ZNF219: variants seen among roughly 807,000 people sequenced by gnomAD.
ZNF219 encodes zinc finger protein 219.
ZNF219 carries 17 observed loss-of-function variants against 54.4 expected under a neutral mutation model. That is an observed-to-expected ratio of 0.31 (90% CI 0.21 to 0.47). The LOEUF (loss-of-function observed/expected upper bound fraction) is 0.47, where lower values mean the gene tolerates loss of function less well. Among genes scored for constraint, ZNF219 ranks in the 20% least tolerant of loss-of-function variants. The pLI, the probability that ZNF219 is intolerant of heterozygous loss-of-function variation, is 1.00. For synonymous variants in ZNF219, 518 were observed against 476.4 expected (o/e 1.09, Z -1.14); for missense variants, 1,014 against 1,062.3 (o/e 0.95, Z 0.63).
Position 21,091,402 on chromosome 14 carries a change from C to A in ZNF219, c.1564+9G>T. The A allele has an allele frequency of 6.3e-7, 1 of 1,587,662 alleles. No individual in the cohort carries two copies. The highest frequency in any genetic ancestry group is 8.6e-7 in the Non-Finnish European group (1 of 1,158,724). On this transcript the variant is annotated intron_variant, in intron 4 of 4. Transcript: ENST00000360947. Reference sequence around the variant, plus strand: ...GTCCCCTCTCCACGCCGGAGGCTGCCTCCCTCACCTGTGTGCACTCGCAGA... The same window carrying A: ...GTCCCCTCTCCACGCCGGAGGCTGCATCCCTCACCTGTGTGCACTCGCAGA...
intron 1 of ZNF219, 77 bp downstream of exon 1, chr14:21,098,235 G>A (rs1301557762): frequency 6.8e-6 from 1 of 146,144 alleles, no homozygotes; most frequent in Admixed American, 6.8e-5. Context: ...CCCCCCCTCC[G>A]GGAGGGGGGA....
upstream of ZNF219, chr14:21,102,694 T>C: frequency 6.4e-7 from 1 of 1,551,582 alleles, no homozygotes; most frequent in South Asian, 1.2e-5. Context: ...GGAGTGCTGG[T>C]CTCAGTGCAC....
At chr14:21,094,090 CCAAACATCCTTCCAGGTTCCA>C (rs1318456244) in intron 1 of ZNF219, among the ~76,000 whole-genome samples, 5 of 152,194 alleles carry the variant, frequency 3.3e-5, no homozygotes, top group African/African-American at 1.2e-4. Context: ...GAGCAGCCAG[CCAAACATCCTTCCAGGTTCCA>C]CAGTGCTTCC....
chr14:21,091,355 C>G, intron 4 of ZNF219, 56 bp downstream of exon 4: 1 of 1,562,780 alleles, frequency 6.4e-7, no homozygotes, highest in Non-Finnish European at 8.7e-7. Flanking sequence ...TTCGGTAGCC[C>G]TCACCTTTCT....
At chr14:21,103,238 G>A, upstream of ZNF219, 1 of 1,551,558 alleles carries the variant, frequency 6.4e-7, no homozygotes, top group Non-Finnish European at 8.7e-7. Flanking sequence ...ACAGACACGT[G>A]CTGCTCTCCT....
chr14:21,092,272 CGGGCAGGCCCGGAGGCAG>C lies in ZNF219; in HGVS notation c.1007_1024del (p.Pro336_Ala341del). On this transcript the variant is annotated inframe_deletion, in exon 3 of 5. Coordinates refer to ENST00000360947, the MANE Select transcript of ZNF219 (RefSeq NM_016423.3). Reference sequence around the variant, plus strand: ...GCCGAGGTCAGGAGGCTGGGGGGCGCGGGCAGGCCCGGAGGCAGGCCCCGGGGCACGCAGTGGGCCCAG... The same window carrying C: ...GCCGAGGTCAGGAGGCTGGGGGGCGCGCCCCGGGGCACGCAGTGGGCCCAG... 1 of 1,483,468 alleles carries C rather than the reference CGGGCAGGCCCGGAGGCAG, an allele frequency of 6.7e-7. No homozygotes were observed. Among genetic ancestry groups the C allele is most frequent in the Non-Finnish European group, 8.9e-7 (1 of 1,119,626 alleles). 91.9% of individuals were successfully genotyped at this position (1,483,468 alleles called of 1,614,324 possible).
At chr14:21,096,906 A>G (rs1043638799) in intron 1 of ZNF219, among the ~76,000 whole-genome samples, 1 of 152,210 alleles carries the variant, frequency 6.6e-6, no homozygotes, top group Non-Finnish European at 1.5e-5. Flanking sequence ...AAGTGTAAGG[A>G]GCAAGGGTTC....
chr14:21,095,397 G>T (rs988029349), intron 1 of ZNF219, among the ~76,000 whole-genome samples: 11 of 152,184 alleles, frequency 7.2e-5, no homozygotes, highest in African/African-American at 2.7e-4. Flanking sequence ...GGACTGAAGG[G>T]TACAAGGCTA....
At chr14:21,097,807 A>AC (rs1034653167) in intron 1 of ZNF219, among the ~76,000 whole-genome samples, 13 of 151,396 alleles carry the variant, frequency 8.6e-5, no homozygotes, top group African/African-American at 2.7e-4. Context: ...AGAGGGAAGC[A>AC]CCCCCCATCC....
At chr14:21,098,053 C>T (rs1256070663) in intron 1 of ZNF219, among the ~76,000 whole-genome samples, 77 of 150,346 alleles carry the variant, frequency 5.1e-4, no homozygotes, top group African/African-American at 1.7e-3. Flanking sequence ...TCCCCCAGCT[C>T]TTCCACCTGG....
In ZNF219 at chr14:21,090,384, T is replaced by G. The variant is rs1888731616; in HGVS notation, c.*152A>C. 1.8e-6 allele frequency: 2 copies of G among 1,086,526 alleles called. No individual in the cohort carries two copies. The highest frequency in any genetic ancestry group is 5.2e-5 in the East Asian group (2 of 38,668). 67.3% of individuals were successfully genotyped at this position (1,086,526 alleles called of 1,614,324 possible). Reference sequence around the variant, plus strand: ...CTGGGTGGGTACCGCCAGCCCACCCTCCTACGCCCGCCGCGCCTTCCACCT... The same window carrying G: ...CTGGGTGGGTACCGCCAGCCCACCCGCCTACGCCCGCCGCGCCTTCCACCT... On this transcript the variant is annotated 3_prime_UTR_variant, in exon 5 of 5. Transcript: ENST00000360947. The surrounding 1 kb of genome is among the most constrained non-coding windows in gnomAD (Gnocchi z 4.4).
At chr14:21,098,900 CT>C (rs1355688713), upstream of ZNF219, 1 of 1,263,438 alleles carries the variant, frequency 7.9e-7, no homozygotes, top group Middle Eastern at 2.2e-4. Context: ...AAGCCTCTCC[CT>C]TACAATTTCT....
Position 21,093,307 on chromosome 14 carries a change from G to T in ZNF219, c.7-17C>A. On this transcript the variant is annotated splice_polypyrimidine_tract_variant and intron_variant, in intron 2 of 4. Transcript: ENST00000360947. ...ACGTGAGCCCTGTGGAGAAAGATCT[G>T]CGTAGAGCAAAGGGTGAAGGTAGAG... The T allele has an allele frequency of 6.4e-7, 1 of 1,557,698 alleles. No individual in the cohort carries two copies. Among genetic ancestry groups the T allele is most frequent in the Non-Finnish European group, 8.6e-7 (1 of 1,160,570 alleles).
chr14:21,091,968 G>A lies in ZNF219; in HGVS notation c.1329C>T (p.Gly443=), dbSNP rs1429806611. 1.3e-6 allele frequency: 2 copies of A among 1,578,386 alleles called. No individual in the cohort carries two copies. The highest frequency in any genetic ancestry group is 1.7e-6 in the Non-Finnish European group (2 of 1,162,672). The change falls in exon 3 of 5, where the codon GGC becomes GGT. Residue 443 remains glycine, a synonymous_variant. Coordinates refer to ENST00000360947, the MANE Select transcript of ZNF219 (RefSeq NM_016423.3). ...VEAEEETWAR[G]RSLGSLASLH... Reference sequence around the variant, plus strand: ...GGGAAGCCAGAGAGCCCAGCGACCTGCCCCGGGCCCAGGTTTCCTCCTCGG... The same window carrying A: ...GGGAAGCCAGAGAGCCCAGCGACCTACCCCGGGCCCAGGTTTCCTCCTCGG...
At chr14:21,100,575 A>C (rs1391681488), upstream of ZNF219, among the ~76,000 whole-genome samples, 1 of 152,146 alleles carries the variant, frequency 6.6e-6, no homozygotes, top group East Asian at 1.9e-4. Flanking sequence ...GTTGCAGGTT[A>C]TCATTGAATC....
chr14:21,102,833 C>A (rs1594613760), upstream of ZNF219: 2 of 1,531,356 alleles, frequency 1.3e-6, no homozygotes, highest in Non-Finnish European at 1.8e-6. Flanking sequence ...AATTTTTCCA[C>A]TGCCTATCCT....
Position 21,091,402 on chromosome 14 carries a change from C to T in ZNF219, c.1564+9G>A, listed in dbSNP as rs201849294. ...GTCCCCTCTCCACGCCGGAGGCTGC[C>T]TCCCTCACCTGTGTGCACTCGCAGA... On this transcript the variant is annotated intron_variant, in intron 4 of 4. Coordinates refer to ENST00000360947, the MANE Select transcript of ZNF219 (RefSeq NM_016423.3). The T allele has an allele frequency of 1.3e-5, 20 of 1,587,662 alleles. No individual in the cohort carries two copies. In the East Asian group the frequency reaches 3.6e-4, roughly 29 times the overall value.
chr14:21,094,466 G>T (rs1252675811), intron 1 of ZNF219: 1 of 453,872 alleles, frequency 2.2e-6, no homozygotes, highest in African/African-American at 2.0e-5. Context: ...TTTGTCCAGG[G>T]CTGTTCCGAG....
At chr14:21,101,843 A>G (rs772902600), upstream of ZNF219, 10 of 1,542,006 alleles carry the variant, frequency 6.5e-6, no homozygotes, top group South Asian at 3.6e-5. Context: ...TTCCTCCCCA[A>G]TTACCCTACC....
Sources: allele counts gnomAD v4.1 joint callset (sites outside exome capture counted in the v4.1 genomes callset), GRCh38; gene constraint gnomAD v4.1.1; non-coding constraint Gnocchi (gnomAD v3.1); transcripts MANE v1.5; gene names NCBI Gene and HGNC (gene_info 2026-07-23, HGNC 2026-07-21).